MAT2B: variants seen among roughly 807,000 people sequenced by gnomAD.
MAT2B encodes the protein methionine adenosyltransferase 2 non-catalytic beta subunit.
In MAT2B, 16 loss-of-function variants were observed where a neutral mutation model predicts 36.1. The observed-to-expected ratio is 0.44, with a 90% CI of 0.30 to 0.67. MAT2B has a LOEUF of 0.67. Among genes scored for constraint, MAT2B ranks in the 30% least tolerant of loss-of-function variants. The pLI, the probability that MAT2B is intolerant of heterozygous loss-of-function variation, is 0.09. For synonymous variants in MAT2B, 148 were observed against 136.9 expected (o/e 1.08, Z -0.57); for missense variants, 332 against 398.2 (o/e 0.83, Z 1.42).
intron 5 of MAT2B, chr5:163,516,943 T>TTA: frequency 1.7e-6 from 1 of 587,838 alleles, no homozygotes; most frequent in Non-Finnish European, 3.0e-6. Flanking sequence ...ATCATTTCTT[T>TTA]TATTGCAAAG....
chr5:163,507,492 G>GAGTA, intron 1 of MAT2B, among the ~76,000 whole-genome samples: 1 of 152,146 alleles, frequency 6.6e-6, no homozygotes, highest in Non-Finnish European at 1.5e-5. Flanking sequence ...GATACGTTTA[G>GAGTA]AGTAACTTAA....
chr5:163,515,047 T>G (rs1169828336), intron 4 of MAT2B, among the ~76,000 whole-genome samples: 1 of 152,172 alleles, frequency 6.6e-6, no homozygotes. Flanking sequence ...TGCTTCTTCC[T>G]TCAAGTCCTT....
intron 4 of MAT2B, among the ~76,000 whole-genome samples, chr5:163,515,148 C>T (rs6898075): frequency 0.47 from 71,820 of 152,048 alleles, 18,356 homozygotes; most frequent in African/African-American, 0.67. Context: ...ACTGTTGCTT[C>T]GTGGATTAAG....
chr5:163,509,742 TCTC>T (rs1760009217), intron 1 of MAT2B, among the ~76,000 whole-genome samples: 2 of 152,352 alleles, frequency 1.3e-5, no homozygotes, highest in Admixed American at 1.3e-4. Context: ...TGGCATGTTT[TCTC>T]CTCTTTACAG....
At chr5:163,514,421 C>T (rs1760098942) in intron 4 of MAT2B, among the ~76,000 whole-genome samples, 1 of 151,822 alleles carries the variant, frequency 6.6e-6, no homozygotes, top group Non-Finnish European at 1.5e-5. Context: ...TTTCTTTTTT[C>T]CTGTATGTGA....
At chr5:163,515,149 G>A (rs1760112080) in intron 4 of MAT2B, among the ~76,000 whole-genome samples, 1 of 152,158 alleles carries the variant, frequency 6.6e-6, no homozygotes, top group Non-Finnish European at 1.5e-5. Flanking sequence ...CTGTTGCTTC[G>A]TGGATTAAGT....
Position 163,516,910 on chromosome 5 carries a change from A to G in MAT2B, c.720+199A>G, listed in dbSNP as rs568308618. 2,614 of 609,734 alleles carry G rather than the reference A, an allele frequency of 4.3e-3. 17 individuals carry two copies. Among genetic ancestry groups the G allele is most frequent in the Non-Finnish European group, 6.1e-3 (2,117 of 344,340 alleles). The allele number at this position is 609,734 out of a possible 1,614,324, so 37.8% of individuals were successfully genotyped here. ...ATATTATGCTCTTCTGTTTGAATTT[A>G]TTTCTTATGTACTATAGATCCCATC... On this transcript the variant is annotated intron_variant, in intron 5 of 6. Transcript: ENST00000321757.
At chr5:163,510,222 A>G (rs980653898) in intron 1 of MAT2B, among the ~76,000 whole-genome samples, 5 of 152,214 alleles carry the variant, frequency 3.3e-5, no homozygotes, top group African/African-American at 1.2e-4. Context: ...GGTGTTACCC[A>G]TCTTGGGAAG....
At chr5:163,504,843 C>T (rs1202604126), upstream of MAT2B, among the ~76,000 whole-genome samples, 1 of 152,000 alleles carries the variant, frequency 6.6e-6, no homozygotes, top group Admixed American at 6.6e-5. Context: ...CAAGGCTGGG[C>T]TCGTGTGGCC....
chr5:163,511,971 G>C, intron 1 of MAT2B, 31 bp from the exon 2 acceptor site: 1 of 1,534,058 alleles, frequency 6.5e-7, no homozygotes, highest in South Asian at 1.1e-5. Flanking sequence ...TTCAAAGTTA[G>C]TAACTCTTTC....
chr5:163,515,725 G>C (rs1760119620), intron 4 of MAT2B, among the ~76,000 whole-genome samples: 2 of 143,080 alleles, frequency 1.4e-5, no homozygotes, highest in South Asian at 4.6e-4. Context: ...AAAAAAACTA[G>C]TCCAAATGAC....
intron 1 of MAT2B, among the ~76,000 whole-genome samples, chr5:163,509,763 T>C (rs1352924620): frequency 6.6e-6 from 1 of 152,220 alleles, no homozygotes; most frequent in East Asian, 1.9e-4. Flanking sequence ...CAGTTCAATC[T>C]TTGTAGAGCT....
At chr5:163,515,516 A>C (rs1473409957) in intron 4 of MAT2B, among the ~76,000 whole-genome samples, 2 of 152,190 alleles carry the variant, frequency 1.3e-5, no homozygotes, top group Admixed American at 6.5e-5. Flanking sequence ...TGCAGTTATC[A>C]TACATTTGGA....
At chr5:163,512,595 T>C in intron 2 of MAT2B, 1 of 398,054 alleles carries the variant, frequency 2.5e-6, no homozygotes, top group Non-Finnish European at 4.9e-6. Context: ...TTATTAGATA[T>C]TTAAATCATG....
intron 1 of MAT2B, among the ~76,000 whole-genome samples, chr5:163,508,584 T>C (rs1225278219): frequency 2.0e-5 from 3 of 152,172 alleles, no homozygotes; most frequent in Admixed American, 1.3e-4. Context: ...TGTATACTTA[T>C]ATAACACGTT....
intron 2 of MAT2B, 52 bp downstream of exon 2, chr5:163,512,248 G>T (rs757863904): frequency 7.0e-7 from 1 of 1,431,040 alleles, no homozygotes; most frequent in South Asian, 1.1e-5. Context: ...AGAGTTGTCT[G>T]GATGATACAG....
upstream of MAT2B, chr5:163,503,483 T>C (rs1474491368): frequency 6.7e-7 from 1 of 1,503,638 alleles, no homozygotes; most frequent in Non-Finnish European, 9.3e-7. Context: ...TTTAAAAGCA[T>C]TCCAGTGAAC....
chr5:163,506,508 A>G (rs1351092209), intron 1 of MAT2B, among the ~76,000 whole-genome samples: 2 of 152,296 alleles, frequency 1.3e-5, no homozygotes, highest in Middle Eastern at 3.4e-3. Context: ...TCCACAGAAC[A>G]TATCCAACCC....
chr5:163,507,528 A>G (rs1429196755), intron 1 of MAT2B, among the ~76,000 whole-genome samples: 2 of 152,196 alleles, frequency 1.3e-5, no homozygotes, highest in Non-Finnish European at 2.9e-5. Context: ...ACTTTCCCCC[A>G]TATAATAAAA....
Sources: gnomAD v4.1 joint callset for allele counts (sites outside exome capture counted in the v4.1 genomes callset) on GRCh38, gnomAD v4.1.1 for gene constraint, MANE v1.5 for transcripts, NCBI Gene and HGNC (gene_info 2026-07-23, HGNC 2026-07-21) for gene names.